The following SAMMSON variants were observed in gnomAD, a reference collection of about 807,000 sequenced individuals.
The protein encoded by SAMMSON is long intergenic non-protein coding RNA 1212.
intron 1 of SAMMSON, among the ~76,000 whole-genome samples, chr3:70,008,603 C>A (rs2066940101): frequency 6.6e-6 from 1 of 152,188 alleles, no homozygotes; most frequent in African/African-American, 2.4e-5. Flanking sequence ...ATTTGACTTC[C>A]TCTTTTCCTA....
rs1311570268 is a variant in SAMMSON at position 70,134,131 on chromosome 3, G to A, written n.507+62566G>A. Reference sequence around the variant, plus strand: ...AAAAATTAGCTGGGCATGGTGGCAGGTGCCTGTAATCCCAGCTACTTGGGA... The same window carrying A: ...AAAAATTAGCTGGGCATGGTGGCAGATGCCTGTAATCCCAGCTACTTGGGA... On this transcript the variant is annotated intron_variant and non_coding_transcript_variant, in intron 4 of 9. Coordinates refer to ENST00000642114, the Ensembl canonical transcript of SAMMSON. Among the ~76,000 whole-genome samples the A allele has an allele frequency of 2.0e-5, 3 of 151,298 alleles. No individual in the cohort carries two copies. In the East Asian group the frequency reaches 5.8e-4, roughly 29 times the overall value.
chr3:70,344,948 T>C (rs1402337815), intron 7 of SAMMSON, among the ~76,000 whole-genome samples: 4 of 152,200 alleles, frequency 2.6e-5, no homozygotes, highest in Non-Finnish European at 5.9e-5. Flanking sequence ...AATATCTGGA[T>C]GTTAATTGTA....
intron 9 of SAMMSON, among the ~76,000 whole-genome samples, chr3:70,364,921 C>T (rs983718373): frequency 1.3e-4 from 20 of 151,680 alleles, no homozygotes; most frequent in Non-Finnish European, 1.9e-4. Flanking sequence ...CTATAAATCC[C>T]GCATCTCTTT....
At chr3:70,319,539 G>C (rs1349652499) in intron 7 of SAMMSON, among the ~76,000 whole-genome samples, 1 of 152,018 alleles carries the variant, frequency 6.6e-6, no homozygotes, top group African/African-American at 2.4e-5. Context: ...TTCTCTCTCT[G>C]TCCTCCTGTG....
intron 6 of SAMMSON, among the ~76,000 whole-genome samples, chr3:70,257,918 G>A (rs1701831841): frequency 6.6e-6 from 1 of 152,174 alleles, no homozygotes; most frequent in South Asian, 2.1e-4. Context: ...TGGTATTGGT[G>A]TAAGGATAGA....
chr3:70,290,404 G>T lies in SAMMSON; in HGVS notation n.675-775G>T, dbSNP rs546971035. Among the ~76,000 whole-genome samples the T allele has an allele frequency of 2.4e-4, 37 of 152,328 alleles. 2 individuals are homozygous for T. The East Asian group carries it at 4.5e-3, about 18-fold the overall frequency. ...AGGGGTCAGGGACCCACTTGAGGAG[G>T]CAGTCTGCCCCTTCTCAGATCTCCA... On this transcript the variant is annotated intron_variant and non_coding_transcript_variant, in intron 6 of 9. Transcript: ENST00000642114.
At chr3:70,365,513 C>A (rs1559573499) in intron 9 of SAMMSON, among the ~76,000 whole-genome samples, 1 of 151,728 alleles carries the variant, frequency 6.6e-6, no homozygotes, top group Non-Finnish European at 1.5e-5. Context: ...CAGAGCCTCC[C>A]CATTTCTTAT....
chr3:70,182,307 G>T (rs1205919498), intron 4 of SAMMSON, among the ~76,000 whole-genome samples: 2 of 152,142 alleles, frequency 1.3e-5, no homozygotes, highest in Non-Finnish European at 2.9e-5. Flanking sequence ...GCTCACAGAC[G>T]TCGTTTTCCA....
chr3:70,376,778 C>G (rs1703020238), intron 9 of SAMMSON, among the ~76,000 whole-genome samples: 1 of 151,966 alleles, frequency 6.6e-6, no homozygotes, highest in Non-Finnish European at 1.5e-5. Context: ...AATTTAGCAC[C>G]CAGAAATGTC....
At chr3:70,133,301 C>A (rs570001971) in intron 4 of SAMMSON, among the ~76,000 whole-genome samples, 1 of 152,200 alleles carries the variant, frequency 6.6e-6, no homozygotes, top group East Asian at 1.9e-4. Context: ...AGGAAGCCTT[C>A]ATAAAAACGC....
Position 70,370,317 on chromosome 3 carries a change from G to A in SAMMSON, n.913+11993G>A, listed in dbSNP as rs374425311. Among the ~76,000 whole-genome samples, 42 of 151,958 alleles carry A rather than the reference G, an allele frequency of 2.8e-4. 1 individual carries two copies. In the East Asian group the frequency reaches 7.3e-3, roughly 27 times the overall value. The stretch of plus-strand genomic sequence containing the variant: ...TTGATATACGGATTTCCTTTCCTTT[G>A]GATGAATACCCGGTGGGATTGCTGG... On this transcript the variant is annotated intron_variant and non_coding_transcript_variant, in intron 9 of 9. Coordinates refer to ENST00000642114, the Ensembl canonical transcript of SAMMSON.
chr3:70,414,108 GC>G, intron 2 of SAMMSON, among the ~76,000 whole-genome samples: 1 of 152,196 alleles, frequency 6.6e-6, no homozygotes, highest in East Asian at 1.9e-4. Context: ...CTATTGAGAG[GC>G]CTCTGAAAAT....
chr3:70,416,617 G>GT (rs889163017), intron 2 of SAMMSON, among the ~76,000 whole-genome samples: 2 of 151,736 alleles, frequency 1.3e-5, no homozygotes, highest in Non-Finnish European at 2.9e-5. Context: ...TTTTGCTGTT[G>GT]TTTTTTTAAC....
chr3:70,043,885 G>A (rs559015207), intron 3 of SAMMSON, among the ~76,000 whole-genome samples: 6 of 151,854 alleles, frequency 4.0e-5, no homozygotes, highest in African/African-American at 1.4e-4. Context: ...TTCTAGATTG[G>A]TGATGGTGAA....
intron 1 of SAMMSON, among the ~76,000 whole-genome samples, chr3:70,005,881 C>A (rs527824506): frequency 6.6e-6 from 1 of 152,274 alleles, no homozygotes; most frequent in South Asian, 2.1e-4. Context: ...ATAGAACAGA[C>A]TTGTTCTAAA....
At chr3:70,113,818 G>A (rs894731799) in intron 4 of SAMMSON, among the ~76,000 whole-genome samples, 2 of 152,076 alleles carry the variant, frequency 1.3e-5, no homozygotes, top group Non-Finnish European at 1.5e-5. Context: ...CCCATGATGG[G>A]ATTCCTGTCA....
At chr3:70,203,131 T>TGATC (rs1559534066) in intron 4 of SAMMSON, among the ~76,000 whole-genome samples, 4 of 152,054 alleles carry the variant, frequency 2.6e-5, no homozygotes. Context: ...CTCCCAGAAG[T>TGATC]GATCCCAGAC....
chr3:70,225,166 C>T (rs1402009943), intron 4 of SAMMSON, among the ~76,000 whole-genome samples: 1 of 152,032 alleles, frequency 6.6e-6, no homozygotes, highest in Non-Finnish European at 1.5e-5. Context: ...ACCTTTTGTG[C>T]CATGATGAAC....
chr3:70,224,500 G>A (rs1249831423), intron 4 of SAMMSON, among the ~76,000 whole-genome samples: 2 of 152,204 alleles, frequency 1.3e-5, no homozygotes, highest in Admixed American at 6.5e-5. Context: ...CTTAATGAGT[G>A]TGTTCTCTGA....
Sources: gnomAD v4.1 joint callset for allele counts (sites outside exome capture counted in the v4.1 genomes callset) on GRCh38, gnomAD v4.1.1 for gene constraint, MANE v1.5 for transcripts, NCBI Gene and HGNC (gene_info 2026-07-23, HGNC 2026-07-21) for gene names.